The following ANP32E variants were observed in gnomAD, a reference collection of about 807,000 sequenced individuals.
The protein encoded by ANP32E is acidic nuclear phosphoprotein 32 family member E.
A neutral mutation model predicts 35.3 loss-of-function variants in ANP32E; 14 were observed. The ratio of observed to expected loss-of-function variants is 0.40; its 90% CI spans 0.26 to 0.62. The LOEUF is 0.62. ANP32E is among the 20% of genes least tolerant of loss of function. The pLI is 0.45. For missense variants in ANP32E, 198 were observed against 304.4 expected (o/e 0.65, Z 2.60); for synonymous variants, 89 against 110.4 (o/e 0.81, Z 1.22).
At position 150,218,948 on chromosome 1, in the gene ANP32E, A is replaced by G. The variant is rs1559990810; in HGVS notation, c.*1743T>C. The G allele has an allele frequency of 6.6e-6, 1 of 152,514 alleles. No individual in the cohort carries two copies. Among genetic ancestry groups the G allele is most frequent in the Non-Finnish European group, 1.5e-5 (1 of 68,034 alleles). 9.4% of individuals were successfully genotyped at this position (152,514 alleles called of 1,614,324 possible). A position where few individuals can be genotyped will look rare whatever the true frequency, so the allele number is the denominator to read the frequency against. ...TAGAACAGGGAATTTCAGTTTTTAA[A>G]AGCAGAAGAAAAATGTTATCTTTTT... On this transcript the variant is annotated 3_prime_UTR_variant, in exon 7 of 7. Transcript: ENST00000583931.
chr1:150,235,743 G>A lies in ANP32E; in HGVS notation c.44C>T (p.Ser15Phe). ...GCTGAGTCATCTCACCTCCTCCGGG[G>A]ATCTGTTCCTTAACTCCAGGTTAAT... The part of the protein sequence containing the change: ...KKINLELRNR[S>F]PEEVTELVLD... Residue 15 changes from serine (S) to phenylalanine (F), a missense_variant, in exon 1 of 7, where the codon TCC (serine) becomes TTC (phenylalanine). This residue lies in a region of ANP32E where 35 missense variants were observed against 47.6 expected (regional missense o/e 0.74). Coordinates refer to ENST00000583931, the MANE Select transcript of ANP32E (RefSeq NM_030920.5). The surrounding 1 kb of genome is among the most constrained non-coding windows in gnomAD (Gnocchi z 4.2). 1 of 1,612,860 alleles carries A rather than the reference G, an allele frequency of 6.2e-7. No homozygotes were observed. Among genetic ancestry groups the A allele is most frequent in the Non-Finnish European group, 8.5e-7 (1 of 1,179,468 alleles).
chr1:150,225,052 G>A (rs993494870), intron 5 of ANP32E, among the ~76,000 whole-genome samples: 5 of 152,150 alleles, frequency 3.3e-5, no homozygotes, highest in Admixed American at 6.5e-5. Flanking sequence ...TTCTGATCAC[G>A]ATTCAGAGGT....
chr1:150,221,583 AG>A (rs1559993966), intron 6 of ANP32E, among the ~76,000 whole-genome samples: 1 of 18,856 alleles, frequency 5.3e-5, no homozygotes, highest in African/African-American at 1.4e-4. Flanking sequence ...AGTGGGAGGA[AG>A]GGAGGGAGGG....
At chr1:150,230,746 C>CATTTTT in intron 2 of ANP32E, 53 bp from the exon 3 acceptor site, 1 of 1,238,164 alleles carries the variant, frequency 8.1e-7, no homozygotes, top group Non-Finnish European at 1.1e-6. Context: ...TCATATCAAA[C>CATTTTT]TTTTTTTTTT....
rs1483582836 is a variant in ANP32E at position 150,219,361 on chromosome 1, C to T, written c.*1330G>A. The T allele has an allele frequency of 6.6e-6, 1 of 152,112 alleles. No individual in the cohort carries two copies. The highest frequency in any genetic ancestry group is 1.5e-5 in the Non-Finnish European group (1 of 68,018). 9.4% of individuals were successfully genotyped at this position (152,112 alleles called of 1,614,324 possible). A position where few individuals can be genotyped will look rare whatever the true frequency, so the allele number is the denominator to read the frequency against. Reference sequence around the variant, plus strand: ...TAAGGAAACACACACTCACTTATCCCAAATATTTTTCTACTTTTAATGGAC... The same window carrying T: ...TAAGGAAACACACACTCACTTATCCTAAATATTTTTCTACTTTTAATGGAC... On this transcript the variant is annotated 3_prime_UTR_variant, in exon 7 of 7. Transcript: ENST00000583931.
intron 1 of ANP32E, among the ~76,000 whole-genome samples, chr1:150,233,380 T>G (rs782406400): frequency 4.6e-5 from 7 of 151,982 alleles, no homozygotes; most frequent in Non-Finnish European, 8.8e-5. Flanking sequence ...AAAATCCTCC[T>G]TACCCTTTAT....
At position 150,235,719 on chromosome 1, in the gene ANP32E, C is replaced by T; in HGVS notation, c.54+14G>A. On this transcript the variant is annotated intron_variant, in intron 1 of 6. Transcript: ENST00000583931. The surrounding 1 kb of genome is among the most constrained non-coding windows in gnomAD (Gnocchi z 4.2). ...TGGACTGATGGGGAAGCGGTGGGGG[C>T]TGAGTCATCTCACCTCCTCCGGGGA... 1 of 1,613,604 alleles carries T rather than the reference C, an allele frequency of 6.2e-7. No individual in the cohort carries two copies. Among genetic ancestry groups the T allele is most frequent in the Non-Finnish European group, 8.5e-7 (1 of 1,179,794 alleles).
intron 6 of ANP32E, among the ~76,000 whole-genome samples, chr1:150,221,262 C>T (rs1407767700): frequency 6.7e-6 from 1 of 150,074 alleles, no homozygotes; most frequent in Non-Finnish European, 1.5e-5. Flanking sequence ...ATAGGGTAAA[C>T]CCCCCATCTC....
chr1:150,220,561 A>G lies in ANP32E; in HGVS notation c.*130T>C. 1.1e-6 allele frequency: 1 copy of G among 881,618 alleles called. No individual in the cohort carries two copies. The highest frequency in any genetic ancestry group is 1.8e-6 in the Non-Finnish European group (1 of 568,012). The allele number at this position is 881,618 out of a possible 1,614,324, so 54.6% of individuals were successfully genotyped here. On this transcript the variant is annotated 3_prime_UTR_variant, in exon 7 of 7. Coordinates refer to ENST00000583931, the MANE Select transcript of ANP32E (RefSeq NM_030920.5). ...TTTGGAATGATAAGGCAAAAATAGTAAAACCACACTTTTCCTATAAAAAGT... is the reference window on the plus strand; with the variant it reads ...TTTGGAATGATAAGGCAAAAATAGTGAAACCACACTTTTCCTATAAAAAGT...
chr1:150,230,531 C>G, intron 3 of ANP32E, 40 bp downstream of exon 3: 1 of 1,511,894 alleles, frequency 6.6e-7, no homozygotes, highest in Non-Finnish European at 8.9e-7. Flanking sequence ...GAAAATTTAA[C>G]CAAAAAAAGC....
At chr1:150,230,315 A>T (rs1260543890) in intron 3 of ANP32E, among the ~76,000 whole-genome samples, 2 of 149,858 alleles carry the variant, frequency 1.3e-5, no homozygotes, top group Non-Finnish European at 3.0e-5. Flanking sequence ...AGAATGAAAG[A>T]AGGTTAAAAA....
At chr1:150,227,344 C>T (rs1648957514) in intron 4 of ANP32E, among the ~76,000 whole-genome samples, 1 of 152,120 alleles carries the variant, frequency 6.6e-6, no homozygotes, top group Non-Finnish European at 1.5e-5. Flanking sequence ...ATGGAACCAA[C>T]CTAGGTGCCC....
At chr1:150,234,659 G>T in intron 1 of ANP32E, 1 of 985,514 alleles carries the variant, frequency 1.0e-6, no homozygotes. Context: ...CTGCTCTCGC[G>T]ACCTGCCGCT....
intron 3 of ANP32E, 58 bp from the exon 4 acceptor site, chr1:150,229,295 T>TTTA: frequency 3.7e-4 from 320 of 855,950 alleles, no homozygotes; most frequent in Non-Finnish European, 4.5e-4. Context: ...TTATTTCTTT[T>TTTA]TTCTTTTTTT....
In ANP32E at chr1:150,218,925, G is replaced by T. The variant is rs1648128064; in HGVS notation, c.*1766C>A. ...ATGTAATGAGAATTGTTAGGAACTA[G>T]AACAGGGAATTTCAGTTTTTAAAAG... is the stretch of plus-strand genomic sequence containing the variant. On this transcript the variant is annotated 3_prime_UTR_variant, in exon 7 of 7. Transcript: ENST00000583931. The T allele has an allele frequency of 6.6e-6, 1 of 152,562 alleles. No homozygotes were observed. Among genetic ancestry groups the T allele is most frequent in the Admixed American group, 6.5e-5 (1 of 15,278 alleles). 9.5% of individuals were successfully genotyped at this position (152,562 alleles called of 1,614,324 possible). A position where few individuals can be genotyped will look rare whatever the true frequency, so the allele number is the denominator to read the frequency against.
chr1:150,228,991 A>T (rs1334144530), intron 4 of ANP32E, 81 bp downstream of exon 4: 2 of 1,345,062 alleles, frequency 1.5e-6, no homozygotes, highest in Admixed American at 5.1e-5. Flanking sequence ...TTCACACCTA[A>T]ATTTCCAGGC....
In ANP32E at chr1:150,231,488, G is replaced by A. The variant is rs587655596; in HGVS notation, c.204+289C>T. Among the ~76,000 whole-genome samples, 6 of 97,424 alleles carry A rather than the reference G, an allele frequency of 6.2e-5. No individual in the cohort carries two copies. The East Asian group carries it at 1.6e-3, about 26-fold the overall frequency. The allele number at this position is 97,424 out of a possible 152,430, so 63.9% of individuals were successfully genotyped here. ...CGCATGCCTGTAGTCTCAGCTACTC[G>A]GGAGGCTGAGGTGGGAGGATGCTTG... On this transcript the variant is annotated intron_variant, in intron 2 of 6. Coordinates refer to ENST00000583931, the MANE Select transcript of ANP32E (RefSeq NM_030920.5).
At position 150,219,841 on chromosome 1, in the gene ANP32E, C is replaced by T. The variant is rs587686946; in HGVS notation, c.*850G>A. 6.6e-6 allele frequency: 1 copy of T among 152,208 alleles called. No homozygotes were observed. Among genetic ancestry groups the T allele is most frequent in the East Asian group, 1.9e-4 (1 of 5,178 alleles). 9.4% of individuals were successfully genotyped at this position (152,208 alleles called of 1,614,324 possible). On this transcript the variant is annotated 3_prime_UTR_variant, in exon 7 of 7. Transcript: ENST00000583931. Reference sequence around the variant, plus strand: ...GTTGAGGTATAAGACTAAAGGTTTTCCTGGGTTTCACAAGTTTCCCAAGTT... The same window carrying T: ...GTTGAGGTATAAGACTAAAGGTTTTTCTGGGTTTCACAAGTTTCCCAAGTT...
rs781941884 is a variant in ANP32E, at chr1:150,220,674, T to A, written c.*17A>T. 2 of 1,611,746 alleles carry A rather than the reference T, an allele frequency of 1.2e-6. No individual in the cohort carries two copies. Among genetic ancestry groups the A allele is most frequent in the South Asian group, 2.2e-5 (2 of 91,050 alleles). On this transcript the variant is annotated 3_prime_UTR_variant, in exon 7 of 7. Transcript: ENST00000583931. ...TTGCACACCCAGAAACATTAGAGAATCTGGTCTTAGAATGATCTAGTCATC... is the reference window on the plus strand; with the variant it reads ...TTGCACACCCAGAAACATTAGAGAAACTGGTCTTAGAATGATCTAGTCATC...
Sources: gnomAD v4.1 joint callset for allele counts (sites outside exome capture counted in the v4.1 genomes callset) on GRCh38, gnomAD v4.1.1 for gene constraint, gnomAD v4.1.1 regional missense constraint, Gnocchi (gnomAD v3.1) non-coding constraint, MANE v1.5 for transcripts, NCBI Gene and HGNC (gene_info 2026-07-23, HGNC 2026-07-21) for gene names.